Variants in SLC23A2 observed in about 807,000 individuals in gnomAD.
SLC23A2 encodes the protein solute carrier family 23 member 2.
A neutral mutation model predicts 73.3 loss-of-function variants in SLC23A2; 36 were observed. That is an observed-to-expected ratio of 0.49 (90% CI 0.38 to 0.65). The LOEUF is 0.65. SLC23A2 is among the 30% of genes least tolerant of loss of function. SLC23A2 has a pLI of 0.00. For missense variants in SLC23A2, 507 were observed against 841.6 expected, an observed-to-expected ratio of 0.60 and a Z score of 4.92; for synonymous variants, 343 against 327.3, an observed-to-expected ratio of 1.05 and a Z score of -0.52.
intron 16 of SLC23A2, among the ~76,000 whole-genome samples, chr20:4,858,739 C>T (rs1179382425): frequency 6.6e-6 from 1 of 152,158 alleles, no homozygotes; most frequent in African/African-American, 2.4e-5. Flanking sequence ...AGAATGTATC[C>T]ATAAACAGGG....
intron 2 of SLC23A2, among the ~76,000 whole-genome samples, chr20:4,948,128 C>T (rs2087145862): frequency 6.6e-6 from 1 of 152,194 alleles, no homozygotes; most frequent in African/African-American, 2.4e-5. Context: ...AGAAGGCAGG[C>T]TCAGGTGCTG....
In SLC23A2 at chr20:4,920,003, G is replaced by A. The variant is rs1932451392; in HGVS notation, c.109-7025C>T. 2.0e-5 allele frequency among the ~76,000 whole-genome samples: 3 copies of A among 152,352 alleles called. 1 individual carries two copies. Among genetic ancestry groups the A allele is most frequent in the South Asian group, 4.1e-4 (2 of 4,828 alleles). ...AGGCCGGGTGCGGTGGCTCACGCCTGTAATCCCAGCACTCTGGGAGGCCAA... is the reference window on the plus strand; with the variant it reads ...AGGCCGGGTGCGGTGGCTCACGCCTATAATCCCAGCACTCTGGGAGGCCAA... On this transcript the variant is annotated intron_variant, in intron 3 of 16. Transcript: ENST00000338244.
At chr20:4,938,139 T>TC (rs1172331947) in intron 2 of SLC23A2, among the ~76,000 whole-genome samples, 5 of 150,744 alleles carry the variant, frequency 3.3e-5, no homozygotes, top group African/African-American at 1.2e-4. Flanking sequence ...CAGGTGATCC[T>TC]CCCACCTCAG....
chr20:4,893,983 C>T (rs1253626701), intron 6 of SLC23A2, among the ~76,000 whole-genome samples: 1 of 152,100 alleles, frequency 6.6e-6, no homozygotes, highest in African/African-American at 2.4e-5. Flanking sequence ...GGGGTGGGAA[C>T]TCTGGGAAGC....
At chr20:4,870,442 G>GGCTAATTACA (rs1930400260) in intron 11 of SLC23A2, among the ~76,000 whole-genome samples, 1 of 151,946 alleles carries the variant, frequency 6.6e-6, no homozygotes, top group African/African-American at 2.4e-5. Context: ...CCAGGCGTGG[G>GGCTAATTACA]GGCATGTGCC....
intron 2 of SLC23A2, among the ~76,000 whole-genome samples, chr20:4,942,347 A>G (rs573882858): frequency 7.9e-4 from 120 of 151,322 alleles, no homozygotes; most frequent in Non-Finnish European, 1.2e-3. Flanking sequence ...TCACTACCTT[A>G]AAGGAAGCAG....
Position 4,853,958 on chromosome 20 carries a change from C to T in SLC23A2, c.*3014G>A, listed in dbSNP as rs1012114689. 1 of 152,180 alleles carries T rather than the reference C, an allele frequency of 6.6e-6. No homozygotes were observed. The highest frequency in any genetic ancestry group is 2.4e-5 in the African/African-American group (1 of 41,434). 9.4% of individuals were successfully genotyped at this position (152,180 alleles called of 1,614,324 possible). A position where few individuals can be genotyped will look rare whatever the true frequency, so the allele number is the denominator to read the frequency against. ...TATTCTGTGAAGCAGGGGTGGGGGCCCTCCATCCCCCACTGTGAATATGGC... is the reference window on the plus strand; with the variant it reads ...TATTCTGTGAAGCAGGGGTGGGGGCTCTCCATCCCCCACTGTGAATATGGC... On this transcript the variant is annotated 3_prime_UTR_variant, in exon 17 of 17. Transcript: ENST00000338244.
chr20:4,912,686 A>C (rs1040887040), intron 4 of SLC23A2, among the ~76,000 whole-genome samples, 194 bp downstream of exon 4: 4 of 150,106 alleles, frequency 2.7e-5, no homozygotes, highest in African/African-American at 9.9e-5. Flanking sequence ...AAAAAAAAAA[A>C]AACTAGTAAC....
chr20:4,967,591 C>T (rs1471394164), intron 2 of SLC23A2, among the ~76,000 whole-genome samples: 1 of 152,188 alleles, frequency 6.6e-6, no homozygotes, highest in Non-Finnish European at 1.5e-5. Flanking sequence ...AGCAACACAA[C>T]ATTTTTATAC....
At chr20:4,953,209 G>C (rs1219740120) in intron 2 of SLC23A2, among the ~76,000 whole-genome samples, 1 of 152,086 alleles carries the variant, frequency 6.6e-6, no homozygotes, top group Non-Finnish European at 1.5e-5. Flanking sequence ...AGGAGGCTGA[G>C]GCAGTACAAT....
At chr20:4,995,386 G>C (rs2088002887) in intron 1 of SLC23A2, among the ~76,000 whole-genome samples, 1 of 152,044 alleles carries the variant, frequency 6.6e-6, no homozygotes, top group South Asian at 2.1e-4. Context: ...TTTCTAAAAT[G>C]CACATCTGAA....
intron 1 of SLC23A2, among the ~76,000 whole-genome samples, chr20:4,982,554 C>A (rs1474766319): frequency 6.6e-6 from 1 of 152,024 alleles, no homozygotes; most frequent in Non-Finnish European, 1.5e-5. Flanking sequence ...CCAGAATAGT[C>A]AAAACAATCT....
chr20:4,894,391 C>A (rs1332902078), intron 6 of SLC23A2, among the ~76,000 whole-genome samples: 1 of 152,200 alleles, frequency 6.6e-6, no homozygotes, highest in African/African-American at 2.4e-5. Flanking sequence ...TGCAAAAAGA[C>A]AACGGCCCCT....
intron 1 of SLC23A2, among the ~76,000 whole-genome samples, chr20:4,971,618 C>CA (rs944620433): frequency 0.08 from 4,779 of 59,996 alleles, 278 homozygotes; most frequent in African/African-American, 0.22. Flanking sequence ...CTTGTCTCTA[C>CA]AAAAAAAAAA....
chr20:4,995,255 A>G (rs1184820983), intron 1 of SLC23A2, among the ~76,000 whole-genome samples: 4 of 152,286 alleles, frequency 2.6e-5, no homozygotes, highest in African/African-American at 9.6e-5. Flanking sequence ...TAGGGTGCAT[A>G]AAGGCAAACA....
At chr20:4,962,903 A>G (rs2087415063) in intron 2 of SLC23A2, among the ~76,000 whole-genome samples, 1 of 152,162 alleles carries the variant, frequency 6.6e-6, no homozygotes, top group Non-Finnish European at 1.5e-5. Flanking sequence ...GGGCTGAGGC[A>G]GGAGAATCGC....
At chr20:5,002,429 C>A (rs1326832253), upstream of SLC23A2, among the ~76,000 whole-genome samples, 1 of 152,212 alleles carries the variant, frequency 6.6e-6, no homozygotes, top group Non-Finnish European at 1.5e-5. Context: ...TTTCTTAACA[C>A]CTTCCATCTT....
intron 2 of SLC23A2, among the ~76,000 whole-genome samples, chr20:4,940,746 C>T (rs1408764720): frequency 1.3e-5 from 2 of 152,228 alleles, no homozygotes; most frequent in Non-Finnish European, 2.9e-5. Context: ...AGGACAAATA[C>T]TGCATGATTC....
intron 6 of SLC23A2, among the ~76,000 whole-genome samples, chr20:4,893,771 C>A (rs536144393): frequency 2.8e-4 from 43 of 152,304 alleles, no homozygotes; most frequent in Middle Eastern, 6.8e-3. Context: ...CTGAGAACGG[C>A]CAGGAGGGCT....
Sources: allele counts gnomAD v4.1 joint callset (sites outside exome capture counted in the v4.1 genomes callset), GRCh38; gene constraint gnomAD v4.1.1; transcripts MANE v1.5; gene names NCBI Gene and HGNC (gene_info 2026-07-23, HGNC 2026-07-21).